TSPAN1: variants seen among roughly 807,000 people sequenced by gnomAD.
TSPAN1 encodes the protein tetraspanin 1.
A neutral mutation model predicts 26.9 loss-of-function variants in TSPAN1; 23 were observed. The ratio of observed to expected loss-of-function variants is 0.85; its 90% confidence interval spans 0.62 to 1.21. The LOEUF is 1.21. TSPAN1 is among the 50% of genes most tolerant of loss of function. The pLI is 0.00. For synonymous variants in TSPAN1, 115 were observed against 114.8 expected (o/e 1.00, Z -0.01); for missense variants, 283 against 298.4 (o/e 0.95, Z 0.38).
chr1:46,186,937 C>T (rs946622263), downstream of TSPAN1, among the ~76,000 whole-genome samples: 1 of 152,136 alleles, frequency 6.6e-6, no homozygotes, highest in Non-Finnish European at 1.5e-5. Flanking sequence ...GCTGGGATTA[C>T]AGGCATGAGC....
At chr1:46,188,651 C>T, downstream of TSPAN1, 1 of 1,555,658 alleles carries the variant, frequency 6.4e-7, no homozygotes, top group Non-Finnish European at 8.7e-7. Context: ...CCAGCACCCC[C>T]CTGACACACA....
the TSPAN1 span, chr1:46,196,148 T>C: frequency 6.2e-7 from 1 of 1,609,936 alleles, no homozygotes; most frequent in Non-Finnish European, 8.5e-7. This position sits in a 1 kb window ranked among gnomAD's most constrained non-coding sequence, Gnocchi z 4.4. Context: ...TAGGGGTACT[T>C]AAAACACCAG....
intron 1 of TSPAN1, among the ~76,000 whole-genome samples, chr1:46,178,776 C>T (rs1657245664): frequency 6.6e-6 from 1 of 152,178 alleles, no homozygotes; most frequent in African/African-American, 2.4e-5. Context: ...GGGATTGAAT[C>T]CTGGCTCTGC....
chr1:46,189,052 C>A, downstream of TSPAN1: 1 of 1,536,628 alleles, frequency 6.5e-7, no homozygotes, highest in Non-Finnish European at 8.7e-7. Flanking sequence ...TACTCTCCTG[C>A]CCTTCTCCAA....
chr1:46,194,513 C>G, the TSPAN1 span: 1 of 1,614,164 alleles, frequency 6.2e-7, no homozygotes, highest in Non-Finnish European at 8.5e-7. Context: ...TGCCCACCCC[C>G]AGCCCAGGCC....
the TSPAN1 span, chr1:46,192,539 G>C: frequency 6.2e-7 from 1 of 1,614,198 alleles, no homozygotes; most frequent in Non-Finnish European, 8.5e-7. Context: ...AGGCAGAGAT[G>C]CAGTACAGGC....
At chr1:46,193,973 T>G in the TSPAN1 span, 1 of 1,608,910 alleles carries the variant, frequency 6.2e-7, no homozygotes, top group Middle Eastern at 1.7e-4. Context: ...CCCTTCAAAC[T>G]GGGATCCCCA....
At chr1:46,177,722 T>G (rs555119172) in intron 1 of TSPAN1, among the ~76,000 whole-genome samples, 2 of 152,326 alleles carry the variant, frequency 1.3e-5, no homozygotes, top group East Asian at 3.9e-4. Context: ...ACGGCTGAAA[T>G]TTTTTGCCTT....
downstream of TSPAN1, chr1:46,188,782 G>A (rs1176467345): frequency 2.5e-6 from 4 of 1,612,882 alleles, no homozygotes; most frequent in South Asian, 2.2e-5. Context: ...AGTGTCTAAG[G>A]GTCTCTGAGT....
At chr1:46,195,829 C>A in the TSPAN1 span, 6 of 1,598,678 alleles carry the variant, frequency 3.8e-6, no homozygotes, top group Non-Finnish European at 5.1e-6. Flanking sequence ...TGCAGATGAG[C>A]ACTCGGCCGG....
downstream of TSPAN1, chr1:46,190,041 G>T: frequency 6.2e-7 from 1 of 1,604,684 alleles, no homozygotes; most frequent in Non-Finnish European, 8.5e-7. Context: ...CTTCATGGGT[G>T]TGTCCCACAG....
chr1:46,176,155 A>G (rs12030928), intron 1 of TSPAN1: 331,102 of 1,504,504 alleles, frequency 0.22, 41,027 homozygotes, highest in South Asian at 0.46. Flanking sequence ...GATTACAGGC[A>G]TGAGCCACCG....
At chr1:46,192,651 A>G in the TSPAN1 span, 1 of 1,607,392 alleles carries the variant, frequency 6.2e-7, no homozygotes, top group Middle Eastern at 1.7e-4. Context: ...TCACACAGAG[A>G]TGCTAGAATT....
the TSPAN1 span, chr1:46,194,212 C>T: frequency 6.2e-7 from 1 of 1,613,796 alleles, no homozygotes; most frequent in Non-Finnish European, 8.5e-7. Context: ...TAGATCATTC[C>T]TGGGGCCCCC....
chr1:46,178,037 A>G (rs866810910), intron 1 of TSPAN1, among the ~76,000 whole-genome samples: 2 of 152,196 alleles, frequency 1.3e-5, no homozygotes, highest in African/African-American at 4.8e-5. Context: ...GATGAATGTA[A>G]TCTGGTCCCA....
intron 1 of TSPAN1, among the ~76,000 whole-genome samples, chr1:46,179,945 CAGAGAA>C (rs1165441748): frequency 1.4e-5 from 2 of 145,678 alleles, no homozygotes; most frequent in East Asian, 1.9e-4. Context: ...GAGTGAGAGA[CAGAGAA>C]AGAGAAAGAG....
chr1:46,188,632 C>T, downstream of TSPAN1: 1 of 1,527,172 alleles, frequency 6.5e-7, no homozygotes, highest in Non-Finnish European at 8.8e-7. Context: ...TTCTCTCCAC[C>T]ACTTCCCTCC....
chr1:46,185,248 T>C lies in TSPAN1; in HGVS notation c.618T>C (p.Tyr206=). 1 of 1,614,212 alleles carries C rather than the reference T, an allele frequency of 6.2e-7. No individual in the cohort carries two copies. Among genetic ancestry groups the C allele is most frequent in the Non-Finnish European group, 8.5e-7 (1 of 1,180,036 alleles). The change falls in exon 8 of 9, where the codon TAT becomes TAC. Residue 206 remains tyrosine (Y), a synonymous_variant. Coordinates refer to ENST00000372003, the MANE Select transcript of TSPAN1 (RefSeq NM_005727.4). ...AGGGTTGCTTCAATCAGCTTTTGTA[T>C]GACATCCGAACTAATGCAGTCACCG... ...KVEGCFNQLL[Y]DIRTNAVTVG... is the part of the protein sequence containing the mutation.
the TSPAN1 span, chr1:46,194,056 G>T: frequency 6.5e-7 from 1 of 1,547,368 alleles, no homozygotes; most frequent in Non-Finnish European, 8.7e-7. Flanking sequence ...GATCTTCCCT[G>T]TTCTGGGCTC....
Sources: allele counts gnomAD v4.1 joint callset (sites outside exome capture counted in the v4.1 genomes callset), GRCh38; gene constraint gnomAD v4.1.1; non-coding constraint Gnocchi (gnomAD v3.1); transcripts MANE v1.5; gene names NCBI Gene and HGNC (gene_info 2026-07-23, HGNC 2026-07-21).